MYO1F: variants seen among roughly 807,000 people sequenced by gnomAD.
MYO1F encodes the protein myosin IF, also known as unconventional myosin-If.
Under a neutral mutation model 146.6 loss-of-function variants are expected in MYO1F, and 60 were observed. The observed-to-expected ratio is 0.41, with a 90% CI of 0.33 to 0.51. MYO1F has a LOEUF of 0.51. MYO1F is among the 20% of genes least tolerant of loss of function. The pLI is 0.25. For synonymous variants in MYO1F, 602 were observed against 602.1 expected (o/e 1.00, Z 0.00); for missense variants, 1,274 against 1,534.3 (o/e 0.83, Z 2.83).
At chr19:8,525,434 A>G (rs2145825028) in intron 25 of MYO1F, 45 bp downstream of exon 25, 1 of 1,537,598 alleles carries the variant, frequency 6.5e-7, no homozygotes, top group South Asian at 1.1e-5. Flanking sequence ...AGGCCATGGG[A>G]CCCACAACAG....
intron 1 of MYO1F, among the ~76,000 whole-genome samples, chr19:8,563,389 C>T (rs1231965178): frequency 6.6e-6 from 1 of 151,662 alleles, no homozygotes; most frequent in African/African-American, 2.4e-5. Flanking sequence ...CCTCTGCTTC[C>T]CGGATTCAAG....
At chr19:8,526,351 C>G in intron 24 of MYO1F, 102 bp downstream of exon 24, 1 of 826,746 alleles carries the variant, frequency 1.2e-6, no homozygotes, top group Non-Finnish European at 1.7e-6. Flanking sequence ...ACTCAAAAGT[C>G]TCTCTCTCTC....
chr19:8,525,405 T>C, intron 25 of MYO1F, 74 bp downstream of exon 25: 1 of 1,302,872 alleles, frequency 7.7e-7, no homozygotes, highest in South Asian at 1.2e-5. Context: ...TTAGATTTCG[T>C]TTGCTGAAGG....
intron 16 of MYO1F, among the ~76,000 whole-genome samples, chr19:8,538,207 C>A (rs1266836503): frequency 6.7e-6 from 1 of 149,914 alleles, no homozygotes; most frequent in African/African-American, 2.5e-5. Flanking sequence ...CTCAGGTGAT[C>A]CACCTGCCTC....
chr19:8,531,771 A>G (rs1044937321), intron 19 of MYO1F, among the ~76,000 whole-genome samples: 1 of 152,212 alleles, frequency 6.6e-6, no homozygotes, highest in Non-Finnish European at 1.5e-5. Context: ...CGTGTCAGAG[A>G]TGGTAGAAAT....
chr19:8,543,963 G>GTGGTGATGGTGGTGGTGGTGGTGGTGC (rs1568349921), intron 14 of MYO1F: 1 of 312,272 alleles, frequency 3.2e-6, no homozygotes, highest in African/African-American at 3.2e-5. Context: ...GGTGGTGGTG[G>GTGGTGATGGTGGTGGTGGTGGTGGTGC]TGGTGGTGCT....
At position 8,555,860 on chromosome 19, in the gene MYO1F, C is replaced by A. The variant is rs1490835480; in HGVS notation, c.4-64G>T. The A allele has an allele frequency of 6.0e-6, 9 of 1,509,484 alleles. No homozygotes were observed. The South Asian group carries it at 8.3e-5, about 14-fold the overall frequency. 93.5% of individuals were successfully genotyped at this position (1,509,484 alleles called of 1,614,324 possible). A position where few individuals can be genotyped will look rare whatever the true frequency, so the allele number is the denominator to read the frequency against. On this transcript the variant is annotated intron_variant, in intron 1 of 27. Coordinates refer to ENST00000644032, the MANE Select transcript of MYO1F (RefSeq NM_012335.4). ...GGGGATGCGGCACCTGGCTCACCGACGCTATCAGCTTCTGGGTTCTGTCCC... is the reference window on the plus strand; with the variant it reads ...GGGGATGCGGCACCTGGCTCACCGAAGCTATCAGCTTCTGGGTTCTGTCCC...
chr19:8,544,875 G>A (rs1033581308), intron 13 of MYO1F, among the ~76,000 whole-genome samples: 8 of 152,144 alleles, frequency 5.3e-5, no homozygotes, highest in South Asian at 2.1e-4. Context: ...TCCCAGGTTC[G>A]AGTGATTCTC....
chr19:8,522,908 AG>A, intron 25 of MYO1F, 79 bp from the exon 26 acceptor site: 2 of 1,256,914 alleles, frequency 1.6e-6, no homozygotes, highest in African/African-American at 3.0e-5. Context: ...TCAAGTTCTC[AG>A]GCTGAGGGAG....
chr19:8,569,887 A>T (rs1263617285), intron 1 of MYO1F, among the ~76,000 whole-genome samples: 1 of 152,074 alleles, frequency 6.6e-6, no homozygotes, highest in Non-Finnish European at 1.5e-5. Flanking sequence ...CTCATTGCTT[A>T]GGAGGACAGG....
rs1296163489 is a variant in MYO1F at position 8,526,844 on chromosome 19, A to C, written c.2566T>G (p.Cys856Gly). The change falls in exon 23 of 28, where the codon TGC (cysteine) becomes GGC (glycine). Residue 856 changes from cysteine to glycine, a missense_variant. By Grantham distance (159) the Cys-to-Gly change is radical (BLOSUM62 -3). Coordinates refer to ENST00000644032, the MANE Select transcript of MYO1F (RefSeq NM_012335.4). ...VFKTEFVSLL[C>G]KRFEEATRRP... ...CGCGTCGCCTCCTCGAAGCGCTTGCACAGAAGGCTGACAAACTCGGTCTTG... is the reference window on the plus strand; with the variant it reads ...CGCGTCGCCTCCTCGAAGCGCTTGCCCAGAAGGCTGACAAACTCGGTCTTG... 6 of 1,613,800 alleles carry C rather than the reference A, an allele frequency of 3.7e-6. No homozygotes were observed. The highest frequency in any genetic ancestry group is 2.7e-5 in the African/African-American group (2 of 74,904).
intron 17 of MYO1F, 60 bp from the exon 18 acceptor site, chr19:8,536,657 G>C: frequency 1.3e-6 from 1 of 755,560 alleles, no homozygotes; most frequent in Non-Finnish European, 2.1e-6. Flanking sequence ...CTGGGGGTGG[G>C]TGGGAGGTGC....
chr19:8,566,717 T>A (rs568711578), intron 1 of MYO1F, among the ~76,000 whole-genome samples: 277 of 150,914 alleles, frequency 1.8e-3, no homozygotes, highest in Non-Finnish European at 2.5e-3. Context: ...TTTCACCATG[T>A]TGGCCAAGCT....
chr19:8,526,738 G>T (rs1300210709), intron 23 of MYO1F, 51 bp downstream of exon 23: 2 of 1,551,694 alleles, frequency 1.3e-6, no homozygotes, highest in South Asian at 2.4e-5. Flanking sequence ...GGGAGAGGGT[G>T]CGCCGCGCCG....
At chr19:8,535,312 C>T (rs1389469577) in intron 19 of MYO1F, among the ~76,000 whole-genome samples, 1 of 152,128 alleles carries the variant, frequency 6.6e-6, no homozygotes, top group African/African-American at 2.4e-5. Context: ...AAGCATCTGC[C>T]ATCGTGAATT....
chr19:8,527,525 C>A (rs747919322), intron 21 of MYO1F, 42 bp from the exon 22 acceptor site: 1 of 1,606,496 alleles, frequency 6.2e-7, no homozygotes, highest in Non-Finnish European at 8.5e-7. Context: ...TGTAGCCTGG[C>A]CAGCCTGGCC....
At position 8,554,525 on chromosome 19, in the gene MYO1F, A is replaced by G. The variant is rs1227370092; in HGVS notation, c.278T>C (p.Met93Thr). 1 of 1,613,442 alleles carries G rather than the reference A, an allele frequency of 6.2e-7. No homozygotes were observed. The highest frequency in any genetic ancestry group is 1.3e-5 in the African/African-American group (1 of 74,836). Residue 93 changes from methionine (M) to threonine (T), a missense_variant, in exon 4 of 28, where the codon ATG becomes ACG. Transcript: ENST00000644032. ...ACAGTCGATAAGCATGTTCCGGTACATGTTGTCCGTGAGGGCGTAGATGTG... is the reference window on the plus strand; with the variant it reads ...ACAGTCGATAAGCATGTTCCGGTACGTGTTGTCCGTGAGGGCGTAGATGTG... ...PPHIYALTDN[M>T]YRNMLIDCEN...
chr19:8,551,041 G>A (rs1462570692), intron 8 of MYO1F, among the ~76,000 whole-genome samples: 2 of 144,600 alleles, frequency 1.4e-5, no homozygotes, highest in Non-Finnish European at 3.0e-5. Context: ...CGTCGTGTCC[G>A]GACTGGGCTT....
intron 15 of MYO1F, among the ~76,000 whole-genome samples, chr19:8,540,712 CAAAAAAA>C (rs930566549): frequency 1.3e-5 from 1 of 76,446 alleles, no homozygotes; most frequent in Non-Finnish European, 2.8e-5. Context: ...ACACTGTCTC[CAAAAAAA>C]AAAAAAAAAA....
Sources: gnomAD v4.1 joint callset for allele counts (sites outside exome capture counted in the v4.1 genomes callset) on GRCh38, gnomAD v4.1.1 for gene constraint, MANE v1.5 for transcripts, NCBI Gene and HGNC (gene_info 2026-07-23, HGNC 2026-07-21) for gene names.